SLC26A3: variants seen among roughly 807,000 people sequenced by gnomAD.
The protein encoded by SLC26A3 is solute carrier family 26 member 3.
SLC26A3 carries 64 observed loss-of-function variants against 85.6 expected under a neutral mutation model. The ratio of observed to expected loss-of-function variants is 0.75; its 90% CI spans 0.61 to 0.92. SLC26A3 has a LOEUF of 0.92. Among genes scored for constraint, SLC26A3 ranks in the 40% least tolerant of loss-of-function variants. The pLI is 0.00. For synonymous variants in SLC26A3, 349 were observed against 336.0 expected (o/e 1.04, Z -0.42); for missense variants, 922 against 927.3 (o/e 0.99, Z 0.07).
chr7:107,799,947 G>T (rs992319759), intron 1 of SLC26A3, among the ~76,000 whole-genome samples: 6 of 152,158 alleles, frequency 3.9e-5, no homozygotes, highest in African/African-American at 1.4e-4. Context: ...TTTAGAAGTA[G>T]CAGTTTTCCA....
At chr7:107,799,296 C>T (rs78743241) in intron 1 of SLC26A3, among the ~76,000 whole-genome samples, 10 of 152,272 alleles carry the variant, frequency 6.6e-5, no homozygotes, top group Non-Finnish European at 7.4e-5. Flanking sequence ...ACTTTGGCAA[C>T]TAAGCACACC....
At chr7:107,788,027 T>C in intron 6 of SLC26A3, among the ~76,000 whole-genome samples, 1 of 152,204 alleles carries the variant, frequency 6.6e-6, no homozygotes, top group East Asian at 1.9e-4. Flanking sequence ...GCACTATGCA[T>C]GTGCACATAC....
At chr7:107,799,298 A>G (rs1451779641) in intron 1 of SLC26A3, among the ~76,000 whole-genome samples, 1 of 152,214 alleles carries the variant, frequency 6.6e-6, no homozygotes, top group African/African-American at 2.4e-5. Context: ...TTTGGCAACT[A>G]AGCACACCAG....
intron 11 of SLC26A3, 28 bp from the exon 12 acceptor site, chr7:107,779,791 C>T: frequency 6.3e-7 from 1 of 1,576,806 alleles, no homozygotes; most frequent in South Asian, 1.1e-5. Context: ...ATCAGATGTA[C>T]TTTAAGTTAA....
At chr7:107,801,744 T>C (rs1184794157) in intron 1 of SLC26A3, among the ~76,000 whole-genome samples, 2 of 152,062 alleles carry the variant, frequency 1.3e-5, no homozygotes, top group Non-Finnish European at 2.9e-5. Context: ...CCCATTTTTC[T>C]TGTTTCTGAA....
At chr7:107,783,418 C>G in intron 8 of SLC26A3, 66 bp from the exon 9 acceptor site, 1 of 1,564,792 alleles carries the variant, frequency 6.4e-7, no homozygotes, top group Middle Eastern at 1.7e-4. Flanking sequence ...AACCATTGGG[C>G]AAATCAATGA....
rs202020458 is a variant in SLC26A3 at position 107,793,752 on chromosome 7, G to T, written c.261C>A (p.Ala87=). ...TAAAAAAAATTTTACCTTGTAGTAC[G>T]GCCACAATCCCTGTGCTGATACCAG... ...IVSGISTGIV[A]VLQGLAFALL... Residue 87 remains alanine (A), a synonymous_variant, in exon 3 of 21, where the codon GCC becomes GCA. Coordinates refer to ENST00000340010, the MANE Select transcript of SLC26A3 (RefSeq NM_000111.3). 159 of 1,613,682 alleles carry T rather than the reference G, an allele frequency of 9.9e-5. 1 individual carries two copies. In the East Asian group the frequency reaches 3.5e-3, roughly 36 times the overall value.
Position 107,778,360 on chromosome 7 carries a change from C to CTTTTTTTTTTTT in SLC26A3, c.1408-91_1408-80dup, listed in dbSNP as rs10681903. The CTTTTTTTTTTTT allele has an allele frequency of 8.3e-3, 3,834 of 462,856 alleles. 188 individuals carry two copies. Among genetic ancestry groups the CTTTTTTTTTTTT allele is most frequent in the African/African-American group, 0.046 (1,415 of 30,672 alleles). The allele number at this position is 462,856 out of a possible 1,614,324, so 28.7% of individuals were successfully genotyped here. A position where few individuals can be genotyped will look rare whatever the true frequency, so the allele number is the denominator to read the frequency against. ...GTCGAGACGGGGTCTTTTAAAAAGA[C>CTTTTTTTTTTTT]TTTTTTTTTTTTTTTTTGTAGCGAC... On this transcript the variant is annotated intron_variant, in intron 12 of 20. Coordinates refer to ENST00000340010, the MANE Select transcript of SLC26A3 (RefSeq NM_000111.3).
chr7:107,773,900 A>T lies in SLC26A3; in HGVS notation c.2007+20T>A. ...CTTTAGTCATTGATTGGTTGTTTCC[A>T]TTAAGAACAAAGAAATTACCGATTT... On this transcript the variant is annotated intron_variant, in intron 17 of 20. Coordinates refer to ENST00000340010, the MANE Select transcript of SLC26A3 (RefSeq NM_000111.3). 6.3e-7 allele frequency: 1 copy of T among 1,584,914 alleles called. No individual in the cohort carries two copies. The highest frequency in any genetic ancestry group is 8.7e-7 in the Non-Finnish European group (1 of 1,153,976).
chr7:107,788,714 T>C (rs1182462011), intron 6 of SLC26A3, among the ~76,000 whole-genome samples: 1 of 151,976 alleles, frequency 6.6e-6, no homozygotes, highest in Non-Finnish European at 1.5e-5. Context: ...ATTTTCAGTA[T>C]TGTTCCCTTG....
Position 107,777,405 on chromosome 7 carries a change from G to A in SLC26A3, c.1515-699C>T, listed in dbSNP as rs556057273. On this transcript the variant is annotated intron_variant, in intron 13 of 20. Coordinates refer to ENST00000340010, the MANE Select transcript of SLC26A3 (RefSeq NM_000111.3). ...AAGTCAGGAATTCACGAACCAGCCT[G>A]GCCAACACGGTGAAACCCTGTCTCT... Among the ~76,000 whole-genome samples the A allele has an allele frequency of 1.1e-3, 174 of 152,188 alleles. 5 individuals carry two copies. In the South Asian group the frequency reaches 0.035, roughly 31 times the overall value.
intron 4 of SLC26A3, 62 bp from the exon 5 acceptor site, chr7:107,791,297 C>G: frequency 6.6e-7 from 1 of 1,510,506 alleles, no homozygotes; most frequent in Non-Finnish European, 9.2e-7. Flanking sequence ...TGTCTTTCAA[C>G]CACAGAATAA....
intron 1 of SLC26A3, among the ~76,000 whole-genome samples, chr7:107,796,666 T>TA (rs1454605356): frequency 1.3e-5 from 2 of 152,194 alleles, no homozygotes; most frequent in African/African-American, 4.8e-5. Context: ...CAATAATAAT[T>TA]AAGATCTAAT....
rs370732546 is a variant in SLC26A3, at chr7:107,774,829, G to A, written c.1721C>T (p.Ala574Val). The A allele has an allele frequency of 6.2e-7, 1 of 1,614,034 alleles. No individual in the cohort carries two copies. Among genetic ancestry groups the A allele is most frequent in the African/African-American group, 1.3e-5 (1 of 74,948 alleles). The change falls in exon 16 of 21, where the codon GCT becomes GTT. Residue 574 changes from alanine (A) to valine (V), a missense_variant. Transcript: ENST00000340010. ...CTGCAGTTTTCGGATTTTCCTCAAA[G>A]CTTTGTTGCGCTTGCGTAGAATTCG... is the stretch of plus-strand genomic sequence containing the variant. ...PLRILRKRNKALRKIRKLQKQ... is the reference protein window; with the variant it reads ...PLRILRKRNKVLRKIRKLQKQ...
At chr7:107,768,188 T>C (rs1251162976) in intron 18 of SLC26A3, among the ~76,000 whole-genome samples, 3 of 152,220 alleles carry the variant, frequency 2.0e-5, no homozygotes, top group African/African-American at 7.2e-5. Context: ...AGAAAATTCA[T>C]TTAGGCAGGA....
intron 8 of SLC26A3, among the ~76,000 whole-genome samples, chr7:107,785,819 A>T (rs1794285283): frequency 6.6e-6 from 1 of 152,234 alleles, no homozygotes; most frequent in Admixed American, 6.5e-5. Flanking sequence ...TTAAAGTAAA[A>T]AAAATACATA....
intron 1 of SLC26A3, among the ~76,000 whole-genome samples, chr7:107,798,249 T>C (rs996344541): frequency 1.3e-5 from 2 of 152,096 alleles, no homozygotes; most frequent in African/African-American, 4.8e-5. Flanking sequence ...TTTTTTTTTT[T>C]CTTTTTGAGC....
intron 17 of SLC26A3, among the ~76,000 whole-genome samples, chr7:107,772,760 A>ATATG (rs1794046887): frequency 6.6e-6 from 1 of 151,236 alleles, no homozygotes; most frequent in African/African-American, 2.4e-5. Context: ...CAAAAAATAA[A>ATATG]TGTGTGTGTG....
chr7:107,794,527 C>T lies in SLC26A3; in HGVS notation c.-18G>A, dbSNP rs747436018. The T allele has an allele frequency of 2.5e-6, 4 of 1,613,752 alleles. No individual in the cohort carries two copies. The highest frequency in any genetic ancestry group is 3.4e-6 in the Non-Finnish European group (4 of 1,179,766). ...TCAATCATTTTGATTTTTCTGTTGG[C>T]TGTGGCAAGTTGAAGACCTTTGCAA... On this transcript the variant is annotated 5_prime_UTR_variant, in exon 2 of 21. Coordinates refer to ENST00000340010, the MANE Select transcript of SLC26A3 (RefSeq NM_000111.3).
Sources: allele counts gnomAD v4.1 joint callset (sites outside exome capture counted in the v4.1 genomes callset), GRCh38; gene constraint gnomAD v4.1.1; transcripts MANE v1.5; gene names NCBI Gene and HGNC (gene_info 2026-07-23, HGNC 2026-07-21).